The following PPARA variants were observed in gnomAD, a reference collection of about 807,000 sequenced individuals.
PPARA encodes peroxisome proliferator activated receptor alpha, also known as peroxisome proliferator-activated receptor alpha.
A neutral mutation model predicts 42.2 loss-of-function variants in PPARA; 22 were observed. The observed-to-expected ratio is 0.52, with a 90% CI of 0.37 to 0.74. The LOEUF (loss-of-function observed/expected upper bound fraction) is 0.74, where lower values mean the gene tolerates loss of function less well. PPARA is among the 30% of genes least tolerant of loss of function. PPARA has a pLI of 0.00. For synonymous variants in PPARA, 242 were observed against 239.3 expected (o/e 1.01, Z -0.10); for missense variants, 465 against 608.2 (o/e 0.76, Z 2.48).
intron 4 of PPARA, among the ~76,000 whole-genome samples, chr22:46,201,390 A>C (rs7290473): frequency 0.018 from 2,685 of 152,192 alleles, 80 homozygotes; most frequent in African/African-American, 0.061. Flanking sequence ...AGGTGGTGCA[A>C]GTTTTGACTC....
Position 46,198,413 on chromosome 22 carries a change from C to G in PPARA, c.30C>G (p.Pro10=), listed in dbSNP as rs1932580173. 1.2e-6 allele frequency: 2 copies of G among 1,613,874 alleles called. No homozygotes were observed. The highest frequency in any genetic ancestry group is 2.2e-5 in the East Asian group (1 of 44,878). The change falls in exon 4 of 9, where the codon CCC becomes CCG. Residue 10 remains proline (P), a synonymous_variant. Coordinates refer to ENST00000407236, the MANE Select transcript of PPARA (RefSeq NM_005036.6). The stretch of plus-strand genomic sequence containing the variant: ...TGGACACGGAAAGCCCACTCTGCCC[C>G]CTCTCCCCACTCGAGGCCGGCGATC... The part of the protein sequence containing the change: MVDTESPLC[P]LSPLEAGDLE...
intron 4 of PPARA, among the ~76,000 whole-genome samples, chr22:46,207,279 T>G (rs1332125921): frequency 1.5e-5 from 1 of 67,412 alleles, no homozygotes; most frequent in Non-Finnish European, 2.9e-5. Flanking sequence ...CATTGGCAAT[T>G]TTTTTTTTTT....
At position 46,225,419 on chromosome 22, in the gene PPARA, A is replaced by C. The variant is rs993572947; in HGVS notation, c.711+5405A>C. Reference sequence around the variant, plus strand: ...GTCAGGGGTTGAGAATGTCGTCAGAAGACTTTGGAGGAAGCAACAGAAAAT... The same window carrying C: ...GTCAGGGGTTGAGAATGTCGTCAGACGACTTTGGAGGAAGCAACAGAAAAT... On this transcript the variant is annotated intron_variant, in intron 7 of 8. Coordinates refer to ENST00000407236, the MANE Select transcript of PPARA (RefSeq NM_005036.6). This position sits in a 1 kb window ranked among gnomAD's most constrained non-coding sequence, Gnocchi z 4.1. Among the ~76,000 whole-genome samples, 3 of 152,168 alleles carry C rather than the reference A, an allele frequency of 2.0e-5. No individual in the cohort carries two copies. The highest frequency in any genetic ancestry group is 7.2e-5 in the African/African-American group (3 of 41,426).
intron 7 of PPARA, among the ~76,000 whole-genome samples, chr22:46,228,193 G>T (rs1478131598): frequency 6.6e-6 from 1 of 152,224 alleles, no homozygotes; most frequent in Non-Finnish European, 1.5e-5. Flanking sequence ...CCCAGGCTTG[G>T]GTGTTCATGC....
At position 46,167,992 on chromosome 22, in the gene PPARA, A is replaced by G. The variant is rs1359822283; in HGVS notation, c.-126-8761A>G. ...CTTGAGCCCAGGAGTTGAAGCTTGCAGTGAATTATGACCATGCCACTGCAC... is the reference window on the plus strand; with the variant it reads ...CTTGAGCCCAGGAGTTGAAGCTTGCGGTGAATTATGACCATGCCACTGCAC... On this transcript the variant is annotated intron_variant, in intron 2 of 8. Transcript: ENST00000407236. The surrounding 1 kb of genome is among the most constrained non-coding windows in gnomAD (Gnocchi z 4.1). Among the ~76,000 whole-genome samples, 1 of 151,580 alleles carries G rather than the reference A, an allele frequency of 6.6e-6. No homozygotes were observed. Among genetic ancestry groups the G allele is most frequent in the Non-Finnish European group, 1.5e-5 (1 of 67,898 alleles).
intron 4 of PPARA, among the ~76,000 whole-genome samples, chr22:46,201,160 G>A (rs367906322): frequency 2.0e-5 from 3 of 151,378 alleles, no homozygotes; most frequent in East Asian, 1.9e-4. Context: ...AACCTGCCAC[G>A]GTTCATACAG....
Position 46,235,479 on chromosome 22 carries a change from C to A in PPARA, c.*99C>A. 1 of 1,480,322 alleles carries A rather than the reference C, an allele frequency of 6.8e-7. No individual in the cohort carries two copies. Among genetic ancestry groups the A allele is most frequent in the Non-Finnish European group, 9.2e-7 (1 of 1,085,632 alleles). The allele number at this position is 1,480,322 out of a possible 1,614,324, so 91.7% of individuals were successfully genotyped here. A position where few individuals can be genotyped will look rare whatever the true frequency, so the allele number is the denominator to read the frequency against. On this transcript the variant is annotated 3_prime_UTR_variant, in exon 9 of 9. Transcript: ENST00000407236. This position sits in a 1 kb window ranked among gnomAD's most constrained non-coding sequence, Gnocchi z 7.0. ...CACGATTTTGCACAAATATCCACCA[C>A]TTTAACCTTAGAGCTTGGACAGTCT...
intron 2 of PPARA, among the ~76,000 whole-genome samples, chr22:46,166,081 T>C (rs1926995806): frequency 6.6e-6 from 1 of 152,182 alleles, no homozygotes; most frequent in South Asian, 2.1e-4. Flanking sequence ...CCAGCTCCCA[T>C]GGTATATACA....
intron 3 of PPARA, 89 bp from the exon 4 acceptor site, chr22:46,198,253 A>AAAAT: frequency 2.2e-6 from 1 of 459,196 alleles, no homozygotes; most frequent in Non-Finnish European, 3.3e-6. Flanking sequence ...AAAAAAAAAA[A>AAAAT]GAATAAATAA....
chr22:46,218,988 C>T (rs1185157182), intron 6 of PPARA, among the ~76,000 whole-genome samples: 1 of 151,546 alleles, frequency 6.6e-6, no homozygotes, highest in Admixed American at 6.6e-5. Flanking sequence ...ATGGCAAAAC[C>T]CCGTCTCTAA....
rs374105952 is a variant in PPARA at position 46,200,467 on chromosome 22, G to A, written c.208+1876G>A. 1.4e-4 allele frequency among the ~76,000 whole-genome samples: 22 copies of A among 152,234 alleles called. No homozygotes were observed. Among genetic ancestry groups the A allele is most frequent in the Admixed American group, 3.3e-4 (5 of 15,290 alleles). On this transcript the variant is annotated intron_variant, in intron 4 of 8. Coordinates refer to ENST00000407236, the MANE Select transcript of PPARA (RefSeq NM_005036.6). This position sits in a 1 kb window ranked among gnomAD's most constrained non-coding sequence, Gnocchi z 4.8. The stretch of plus-strand genomic sequence containing the variant: ...GTGACACAATGGTAAGTATTTGTGC[G>A]TCTAAACATACCAAAACATATAGTA...
rs145816387 is a variant in PPARA, at chr22:46,203,867, C to T, written c.208+5276C>T. On this transcript the variant is annotated intron_variant, in intron 4 of 8. Transcript: ENST00000407236. This position sits in a 1 kb window ranked among gnomAD's most constrained non-coding sequence, Gnocchi z 5.8. ...GCAGGTTCCCTCATCTACACAAAAGCACCTGAGGTAAACACTTGTGGGGCA... is the reference window on the plus strand; with the variant it reads ...GCAGGTTCCCTCATCTACACAAAAGTACCTGAGGTAAACACTTGTGGGGCA... Among the ~76,000 whole-genome samples, 64 of 152,354 alleles carry T rather than the reference C, an allele frequency of 4.2e-4. 1 individual carries two copies. The highest frequency in any genetic ancestry group is 1.4e-3 in the African/African-American group (59 of 41,588).
intron 2 of PPARA, among the ~76,000 whole-genome samples, chr22:46,174,247 A>AAGG (rs1182306095): frequency 4.1e-5 from 6 of 147,542 alleles, no homozygotes; most frequent in South Asian, 2.3e-4. Flanking sequence ...AGAAAGAAAG[A>AAGG]AAGAAGGAAG....
rs983060213 is a variant in PPARA at position 46,203,982 on chromosome 22, C to A, written c.208+5391C>A. Among the ~76,000 whole-genome samples, 2 of 152,240 alleles carry A rather than the reference C, an allele frequency of 1.3e-5. No individual in the cohort carries two copies. Among genetic ancestry groups the A allele is most frequent in the African/African-American group, 4.8e-5 (2 of 41,454 alleles). On this transcript the variant is annotated intron_variant, in intron 4 of 8. Transcript: ENST00000407236. This position sits in a 1 kb window ranked among gnomAD's most constrained non-coding sequence, Gnocchi z 5.8. ...CTGTCACCCCTAAAGTTTACTTGTG[C>A]TGTTTCTAATTCCTCTTTCCCCAGC...
rs114616727 is a variant in PPARA at position 46,170,787 on chromosome 22, C to T, written c.-126-5966C>T. ...CCTTCCCCTGGAGGGATCCTGAGCA[C>T]TTTGGAGAGGAAAGGCATCTGTACT... On this transcript the variant is annotated intron_variant, in intron 2 of 8. Coordinates refer to ENST00000407236, the MANE Select transcript of PPARA (RefSeq NM_005036.6). 3.1e-3 allele frequency among the ~76,000 whole-genome samples: 467 copies of T among 151,772 alleles called. 7 individuals are homozygous for T. The highest frequency in any genetic ancestry group is 0.011 in the African/African-American group (445 of 41,480).
At chr22:46,201,393 T>C (rs1302153033) in intron 4 of PPARA, among the ~76,000 whole-genome samples, 1 of 152,086 alleles carries the variant, frequency 6.6e-6, no homozygotes, top group African/African-American at 2.4e-5. Context: ...TGGTGCAAGT[T>C]TTGACTCCCT....
At chr22:46,207,916 C>G (rs1442065818) in intron 4 of PPARA, among the ~76,000 whole-genome samples, 1 of 151,436 alleles carries the variant, frequency 6.6e-6, no homozygotes, top group Non-Finnish European at 1.5e-5. Context: ...AACTCCTGGC[C>G]TCAAGCAATC....
At position 46,185,915 on chromosome 22, in the gene PPARA, AAATATATATATATATATATATATATATAT is replaced by A. The variant is rs1470407730; in HGVS notation, c.-43+9081_-43+9109del. ...GTCTCCAAAAAAAAAAAAAAAAAAAAAATATATATATATATATATATATATATATATATATATATATATATATATACACA... is the reference window on the plus strand; with the variant it reads ...GTCTCCAAAAAAAAAAAAAAAAAAAAATATATATATATATATATATACACA... On this transcript the variant is annotated intron_variant, in intron 3 of 8. Transcript: ENST00000407236. 2.2e-3 allele frequency among the ~76,000 whole-genome samples: 103 copies of A among 47,144 alleles called. 7 individuals carry two copies. The highest frequency in any genetic ancestry group is 0.011 in the African/African-American group (101 of 9,056). 30.9% of individuals were successfully genotyped at this position (47,144 alleles called of 152,430 possible). A position where few individuals can be genotyped will look rare whatever the true frequency, so the allele number is the denominator to read the frequency against.
chr22:46,182,796 G>C lies in PPARA; in HGVS notation c.-43+5960G>C, dbSNP rs1930150905. Among the ~76,000 whole-genome samples the C allele has an allele frequency of 6.6e-6, 1 of 152,140 alleles. No homozygotes were observed. The highest frequency in any genetic ancestry group is 1.5e-5 in the Non-Finnish European group (1 of 68,028). ...GTCTCGCTCCATCGTCCAGGCTGGA[G>C]TGCAATGGCACCGTCTCAGAGCACT... is the stretch of plus-strand genomic sequence containing the variant. On this transcript the variant is annotated intron_variant, in intron 3 of 8. Transcript: ENST00000407236. This position sits in a 1 kb window ranked among gnomAD's most constrained non-coding sequence, Gnocchi z 5.2.
Sources: gnomAD v4.1 joint callset for allele counts (sites outside exome capture counted in the v4.1 genomes callset) on GRCh38, gnomAD v4.1.1 for gene constraint, Gnocchi (gnomAD v3.1) non-coding constraint, MANE v1.5 for transcripts, NCBI Gene and HGNC (gene_info 2026-07-23, HGNC 2026-07-21) for gene names.